C19orf38: variants seen among roughly 807,000 people sequenced by gnomAD.
C19orf38 encodes protein HIDE1.
A neutral mutation model predicts 26.6 loss-of-function variants in C19orf38; 14 were observed. That is an observed-to-expected ratio of 0.53 (90% CI 0.35 to 0.82). C19orf38 has a LOEUF of 0.82. C19orf38 is among the 40% of genes least tolerant of loss of function. The probability of loss-of-function intolerance (pLI) is 0.01; values close to 1 mark genes in which losing one functional copy is unlikely to be tolerated. For missense variants in C19orf38, 261 were observed against 299.5 expected, an observed-to-expected ratio of 0.87 and a Z score of 0.95; for synonymous variants, 132 against 128.5, an observed-to-expected ratio of 1.03 and a Z score of -0.18.
intron 1 of C19orf38, 143 bp from the exon 2 acceptor site, chr19:10,850,116 G>C: frequency 1.4e-6 from 1 of 719,162 alleles, no homozygotes; most frequent in East Asian, 2.9e-5. Context: ...CCATGTGCCA[G>C]GCAGTGTGGG....
At chr19:10,842,154 A>T in intron 1 of C19orf38, 1 of 1,574,858 alleles carries the variant, frequency 6.3e-7, no homozygotes, top group East Asian at 2.2e-5. Context: ...GATGACACCA[A>T]GCCCATCTGA....
intron 1 of C19orf38, among the ~76,000 whole-genome samples, chr19:10,849,853 C>T (rs989958164): frequency 5.3e-5 from 8 of 151,502 alleles, no homozygotes; most frequent in African/African-American, 1.9e-4. Flanking sequence ...TCACACGAGG[C>T]CAGGAGTTCG....
rs1192246393 is a variant in C19orf38 at position 10,859,949 on chromosome 19, G to C, written c.496G>C (p.Asp166His). The change falls in exon 5 of 7, where the codon GAC becomes CAC. Residue 166 changes from aspartate (D) to histidine (H), a missense_variant. Coordinates refer to ENST00000397820, the MANE Select transcript of C19orf38 (RefSeq NM_001136482.3). ...ATCCTGCTGGGCCCAGATTAACTTC[G>C]ACAGCACAGGTCTGTGCCTCCACAC... ...RESCWAQINF[D>H]STDMSFDNSL... 1.3e-6 allele frequency: 2 copies of C among 1,551,728 alleles called. No homozygotes were observed. Among genetic ancestry groups the C allele is most frequent in the Non-Finnish European group, 1.7e-6 (2 of 1,146,868 alleles).
chr19:10,842,789 G>A (rs548535001), intron 1 of C19orf38, among the ~76,000 whole-genome samples: 2 of 152,188 alleles, frequency 1.3e-5, no homozygotes, highest in South Asian at 4.2e-4. Context: ...TATTGACTCA[G>A]GATTTTTCTT....
chr19:10,859,346 GTGTATATATATATATATA>G lies in C19orf38; in HGVS notation c.462-567_462-550del, dbSNP rs1240739938. Among the ~76,000 whole-genome samples, 181 of 44,096 alleles carry G rather than the reference GTGTATATATATATATATA, an allele frequency of 4.1e-3. 4 individuals are homozygous for G. Among genetic ancestry groups the G allele is most frequent in the African/African-American group, 0.019 (174 of 9,350 alleles). 28.9% of individuals were successfully genotyped at this position (44,096 alleles called of 152,430 possible). A position where few individuals can be genotyped will look rare whatever the true frequency, so the allele number is the denominator to read the frequency against. Reference sequence around the variant, plus strand: ...TGTGTATGTATGTGTGTGTGTGTGTGTGTATATATATATATATATATATATATATATATATATATTTTT... The same window carrying G: ...TGTGTATGTATGTGTGTGTGTGTGTGTATATATATATATATATATATTTTT... On this transcript the variant is annotated intron_variant, in intron 4 of 6. Coordinates refer to ENST00000397820, the MANE Select transcript of C19orf38 (RefSeq NM_001136482.3).
chr19:10,852,636 G>C (rs2073584481), intron 2 of C19orf38, among the ~76,000 whole-genome samples: 1 of 152,208 alleles, frequency 6.6e-6, no homozygotes, highest in African/African-American at 2.4e-5. Context: ...GATGTGCAAA[G>C]GCCCCGAGGC....
At chr19:10,860,251 C>T (rs1271736477) in intron 5 of C19orf38, 8 of 349,988 alleles carry the variant, frequency 2.3e-5, no homozygotes, top group East Asian at 4.8e-5. Flanking sequence ...TACAATTAGG[C>T]GGCCAGGCGC....
At chr19:10,859,769 C>T (rs1487653353) in intron 4 of C19orf38, 146 bp from the exon 5 acceptor site, 2 of 679,138 alleles carry the variant, frequency 2.9e-6, no homozygotes, top group Non-Finnish European at 5.2e-6. Context: ...TGTTACTGCT[C>T]TTCTGTGGGG....
intron 5 of C19orf38, 135 bp downstream of exon 5, chr19:10,860,093 C>T: frequency 1.1e-6 from 1 of 883,868 alleles, no homozygotes; most frequent in Non-Finnish European, 1.8e-6. Context: ...CCCTCGCCAC[C>T]TCTTCCCCTG....
chr19:10,863,267 G>A (rs2073720900), intron 6 of C19orf38, 60 bp downstream of exon 6: 7 of 1,519,854 alleles, frequency 4.6e-6, no homozygotes, highest in Non-Finnish European at 5.4e-6. Flanking sequence ...GGAGAACGGG[G>A]CGGGCTCAAG....
chr19:10,845,309 G>C (rs891139723), upstream of C19orf38, among the ~76,000 whole-genome samples: 1 of 152,048 alleles, frequency 6.6e-6, no homozygotes, highest in South Asian at 2.1e-4. Context: ...AATGTGGATC[G>C]AGATACCCTG....
chr19:10,845,240 A>G (rs2073508046), upstream of C19orf38, among the ~76,000 whole-genome samples: 1 of 152,078 alleles, frequency 6.6e-6, no homozygotes, highest in South Asian at 2.1e-4. Context: ...TTGTATTAAT[A>G]TTTAGAGAAT....
chr19:10,865,249 C>T (rs374564805), intron 6 of C19orf38, among the ~76,000 whole-genome samples: 50 of 152,136 alleles, frequency 3.3e-4, no homozygotes, highest in East Asian at 1.2e-3. Context: ...TGGATTCAAG[C>T]GATTCTCCTG....
chr19:10,859,378 ATATATATTTT>A lies in C19orf38; in HGVS notation c.462-535_462-526del, dbSNP rs1183467998. On this transcript the variant is annotated intron_variant, in intron 4 of 6. Transcript: ENST00000397820. ...TATATATATATATATATATATATAT[ATATATATTTT>A]TTTTTTTTTTTTTAGACGGAGTCTC... Among the ~76,000 whole-genome samples, 65 of 35,740 alleles carry A rather than the reference ATATATATTTT, an allele frequency of 1.8e-3. 1 individual carries two copies. The highest frequency in any genetic ancestry group is 0.016 in the Middle Eastern group (1 of 62). 23.4% of individuals were successfully genotyped at this position (35,740 alleles called of 152,430 possible). A position where few individuals can be genotyped will look rare whatever the true frequency, so the allele number is the denominator to read the frequency against.
At chr19:10,854,059 C>A (rs1278328711) in intron 2 of C19orf38, among the ~76,000 whole-genome samples, 1 of 141,582 alleles carries the variant, frequency 7.1e-6, no homozygotes, top group African/African-American at 2.6e-5. Context: ...TCTGTAAAAA[C>A]TTTTTTTTTT....
upstream of C19orf38, among the ~76,000 whole-genome samples, chr19:10,845,454 A>T (rs1463173486): frequency 6.6e-6 from 1 of 152,228 alleles, no homozygotes; most frequent in Non-Finnish European, 1.5e-5. Context: ...TATTCTCTGG[A>T]TCATAGAAAA....
chr19:10,841,912 C>T, intron 1 of C19orf38: 1 of 1,601,850 alleles, frequency 6.2e-7, no homozygotes, highest in Non-Finnish European at 8.5e-7. Context: ...AATGGAATGC[C>T]AGTGTGGCAA....
intron 6 of C19orf38, among the ~76,000 whole-genome samples, chr19:10,863,615 CTG>C (rs1386309805): frequency 6.6e-6 from 1 of 152,116 alleles, no homozygotes; most frequent in African/African-American, 2.4e-5. Flanking sequence ...TCGGTCCCCT[CTG>C]GGTATAAAGA....
chr19:10,842,771 C>T (rs1025233795), intron 1 of C19orf38, among the ~76,000 whole-genome samples: 2 of 152,100 alleles, frequency 1.3e-5, no homozygotes, highest in African/African-American at 2.4e-5. Context: ...TTGTAGATTC[C>T]TTCACCATAT....
Sources: gnomAD v4.1 joint callset for allele counts (sites outside exome capture counted in the v4.1 genomes callset) on GRCh38, gnomAD v4.1.1 for gene constraint, MANE v1.5 for transcripts, NCBI Gene and HGNC (gene_info 2026-07-23, HGNC 2026-07-21) for gene names.